The following MYH10 variants were observed in gnomAD, a reference collection of about 807,000 sequenced individuals.
MYH10 encodes the protein myosin heavy chain 10, also known as myosin-10.
MYH10 carries 55 observed loss-of-function variants against 257.8 expected under a neutral mutation model. That is an observed-to-expected ratio of 0.21 (90% CI 0.17 to 0.27). The LOEUF (loss-of-function observed/expected upper bound fraction) is 0.27. Among genes scored for constraint, MYH10 ranks in the 10% least tolerant of loss-of-function variants. The probability of loss-of-function intolerance (pLI) is 1.00; values close to 1 mark genes in which losing one functional copy is unlikely to be tolerated. For missense variants in MYH10, 1,631 were observed against 2,500.6 expected, an observed-to-expected ratio of 0.65 and a Z score of 7.42; for synonymous variants, 854 against 921.7, an observed-to-expected ratio of 0.93 and a Z score of 1.33.
intron 6 of MYH10, among the ~76,000 whole-genome samples, chr17:8,574,663 A>G (rs1419286014): frequency 6.6e-6 from 1 of 152,246 alleles, no homozygotes; most frequent in Non-Finnish European, 1.5e-5. Flanking sequence ...TAGTGATAAA[A>G]TGCTGGATGT....
rs1435412841 is a variant in MYH10 at position 8,623,013 on chromosome 17, C to T, written c.234G>A (p.Lys78=). The change falls in exon 2 of 43, where the codon AAG becomes AAA. Residue 78 remains lysine, a synonymous_variant. Coordinates refer to ENST00000360416, the MANE Select transcript of MYH10 (RefSeq NM_001256012.3). ...CCTTGGAAAACTTAGGTGGGTTCATCTTCTGAATATCATCTTTGTTGACCA... is the reference window on the plus strand; with the variant it reads ...CCTTGGAAAACTTAGGTGGGTTCATTTTCTGAATATCATCTTTGTTGACCA... ...KAMVNKDDIQ[K]MNPPKFSKVE... 1.2e-6 allele frequency: 2 copies of T among 1,614,088 alleles called. No homozygotes were observed. Among genetic ancestry groups the T allele is most frequent in the African/African-American group, 1.3e-5 (1 of 74,938 alleles).
chr17:8,550,481 T>C (rs1274398301), intron 9 of MYH10, among the ~76,000 whole-genome samples: 3 of 145,072 alleles, frequency 2.1e-5, no homozygotes, highest in Non-Finnish European at 4.5e-5. Context: ...GTGAGGAGCC[T>C]CTCCGCCCGG....
At chr17:8,590,436 C>T (rs1008675904) in intron 3 of MYH10, among the ~76,000 whole-genome samples, 7 of 152,206 alleles carry the variant, frequency 4.6e-5, no homozygotes, top group Admixed American at 3.9e-4. Context: ...CCTCAGCCTA[C>T]TGAGTAGCTG....
At chr17:8,617,076 T>A (rs1261790848) in intron 2 of MYH10, among the ~76,000 whole-genome samples, 1 of 151,442 alleles carries the variant, frequency 6.6e-6, no homozygotes, top group Non-Finnish European at 1.5e-5. Flanking sequence ...AAAAAAAGAA[T>A]CTTGCCCCAA....
Position 8,612,703 on chromosome 17 carries a change from T to C in MYH10, c.346-7721A>G, listed in dbSNP as rs146203511. Among the ~76,000 whole-genome samples, 5 of 151,962 alleles carry C rather than the reference T, an allele frequency of 3.3e-5. No individual in the cohort carries two copies. In the East Asian group the frequency reaches 7.8e-4, roughly 24 times the overall value. On this transcript the variant is annotated intron_variant, in intron 2 of 42. Coordinates refer to ENST00000360416, the MANE Select transcript of MYH10 (RefSeq NM_001256012.3). ...CCGTCTCTACTAAAAATACCAAAAT[T>C]AGCCAGGCGTGGTGGCGCACGCCTG...
chr17:8,561,133 G>A, intron 7 of MYH10: 1 of 618,424 alleles, frequency 1.6e-6, no homozygotes, highest in Non-Finnish European at 2.9e-6. Flanking sequence ...GTTAAGTTTA[G>A]GATTATAAAA....
At chr17:8,542,507 A>G (rs1234377202) in intron 13 of MYH10, among the ~76,000 whole-genome samples, 2 of 152,244 alleles carry the variant, frequency 1.3e-5, no homozygotes, top group African/African-American at 4.8e-5. Flanking sequence ...CATACTGTCT[A>G]TGGCTGCATT....
chr17:8,573,873 G>C, intron 6 of MYH10: 2 of 959,806 alleles, frequency 2.1e-6, no homozygotes, highest in East Asian at 1.1e-4. Context: ...CCGCTCACTA[G>C]GATGGCTTTA....
Position 8,513,772 on chromosome 17 carries a change from T to A in MYH10, c.2613+14A>T. Reference sequence around the variant, plus strand: ...TATTTGAAAGGGATCTGGAAAGAAGTGAGCCAAGCTCACCTTTGTGAAGAC... The same window carrying A: ...TATTTGAAAGGGATCTGGAAAGAAGAGAGCCAAGCTCACCTTTGTGAAGAC... On this transcript the variant is annotated intron_variant, in intron 22 of 42. Coordinates refer to ENST00000360416, the MANE Select transcript of MYH10 (RefSeq NM_001256012.3). The A allele has an allele frequency of 1.2e-6, 2 of 1,613,830 alleles. No homozygotes were observed. Among genetic ancestry groups the A allele is most frequent in the Non-Finnish European group, 1.7e-6 (2 of 1,179,902 alleles).
At chr17:8,586,616 G>C (rs888073245) in intron 4 of MYH10, among the ~76,000 whole-genome samples, 5 of 152,156 alleles carry the variant, frequency 3.3e-5, no homozygotes, top group South Asian at 4.1e-4. Context: ...GATAAACCCA[G>C]GTGCTAGAAG....
At chr17:8,577,422 A>G (rs1243607837) in intron 4 of MYH10, 84 bp from the exon 5 acceptor site, 2 of 689,908 alleles carry the variant, frequency 2.9e-6, no homozygotes, top group Non-Finnish European at 4.9e-6. Flanking sequence ...ATTAAATTGT[A>G]TTGGAACAAT....
intron 13 of MYH10, among the ~76,000 whole-genome samples, 196 bp from the exon 14 acceptor site, chr17:8,542,476 T>C (rs1163011091): frequency 1.3e-5 from 2 of 152,142 alleles, no homozygotes; most frequent in African/African-American, 4.8e-5. Flanking sequence ...ACAGCCTTTT[T>C]GAAAAGGTAA....
chr17:8,523,885 G>A (rs1016792498), intron 17 of MYH10, among the ~76,000 whole-genome samples: 5 of 152,150 alleles, frequency 3.3e-5, no homozygotes, highest in South Asian at 2.1e-4. Context: ...ACCGAGTGGC[G>A]GTAGGGAAGA....
rs1001173472 is a variant in MYH10 at position 8,551,527 on chromosome 17, C to T, written c.919+519G>A. On this transcript the variant is annotated intron_variant, in intron 9 of 42. Transcript: ENST00000360416. ...TCTTCTCCTCTCCCTCAATATATTT[C>T]TAACCCAGCAAAATTCTGACCCAGA... Among the ~76,000 whole-genome samples, 22 of 152,144 alleles carry T rather than the reference C, an allele frequency of 1.4e-4. No individual in the cohort carries two copies. The East Asian group carries it at 2.3e-3, about 16-fold the overall frequency.
intron 11 of MYH10, 86 bp from the exon 12 acceptor site, chr17:8,546,748 G>A (rs956879169): frequency 2.1e-6 from 2 of 951,100 alleles, no homozygotes; most frequent in South Asian, 3.4e-5. Context: ...AAAAACCTTA[G>A]TAACAATTAA....
At chr17:8,488,529 C>A (rs1348320971) in intron 35 of MYH10, among the ~76,000 whole-genome samples, 1 of 152,188 alleles carries the variant, frequency 6.6e-6, no homozygotes, top group African/African-American at 2.4e-5. Flanking sequence ...TTAATAAATA[C>A]CTGCACCCTA....
Position 8,475,853 on chromosome 17 carries a change from T to C in MYH10, c.5975A>G (p.Glu1992Gly). Residue 1992 changes from glutamate to glycine, a missense_variant, in exon 43 of 43, where the codon GAA becomes GGA. Glu to Gly is a moderately conservative substitution (Grantham distance 98, BLOSUM62 -2). Transcript: ENST00000360416. The part of the protein sequence containing the change: ...ASLELSDDDT[E>G]SKTSDVNETQ... ...CTCGTTGACATCACTGGTCTTACTT[T>C]CTGTGTCATCGTCGGAGAGCTCCAG... 1 of 1,614,244 alleles carries C rather than the reference T, an allele frequency of 6.2e-7. No homozygotes were observed. Among genetic ancestry groups the C allele is most frequent in the Non-Finnish European group, 8.5e-7 (1 of 1,180,044 alleles).
At chr17:8,492,115 T>C (rs533998477) in intron 34 of MYH10, among the ~76,000 whole-genome samples, 182 bp downstream of exon 34, 11 of 152,280 alleles carry the variant, frequency 7.2e-5, no homozygotes, top group Admixed American at 2.0e-4. Context: ...CTCACAGCAG[T>C]CCCAGAAGAC....
intron 7 of MYH10, among the ~76,000 whole-genome samples, chr17:8,567,357 G>T (rs2083197437): frequency 1.3e-5 from 2 of 152,166 alleles, no homozygotes; most frequent in African/African-American, 4.8e-5. Flanking sequence ...TGGATTAAGT[G>T]AATCTTCAAA....
Sources: gnomAD v4.1 joint callset for allele counts (sites outside exome capture counted in the v4.1 genomes callset) on GRCh38, gnomAD v4.1.1 for gene constraint, MANE v1.5 for transcripts, NCBI Gene and HGNC (gene_info 2026-07-23, HGNC 2026-07-21) for gene names.